ANKRD36C: variants seen among roughly 807,000 people sequenced by gnomAD.
ANKRD36C encodes the protein ankyrin repeat domain-containing protein 36C.
A neutral mutation model predicts 276.4 loss-of-function variants in ANKRD36C; 61 were observed. The ratio of observed to expected loss-of-function variants is 0.22; its 90% confidence interval spans 0.18 to 0.27. The LOEUF (loss-of-function observed/expected upper bound fraction) is 0.27, where lower values mean the gene tolerates loss of function less well. ANKRD36C is among the 10% of genes least tolerant of loss of function. ANKRD36C has a pLI of 1.00. For synonymous variants in ANKRD36C, 483 were observed against 680.1 expected, an observed-to-expected ratio of 0.71 and a Z score of 4.51; for missense variants, 1,447 against 2,032.3, an observed-to-expected ratio of 0.71 and a Z score of 5.54.
chr2:95,853,833 T>C lies in ANKRD36C; in HGVS notation c.5024A>G (p.Gln1675Arg), dbSNP rs2696782. Residue 1675 changes from glutamine to arginine, a missense_variant, in exon 64 of 67, where the codon CAA becomes CGA. By Grantham distance (43) the Gln-to-Arg change is conservative. Transcript: ENST00000456556. ...TGATCGTTTGTTTAAGACATCATCT[T>C]GTTTTTGTTGAAGCTGTCTCACAGC... The C allele has an allele frequency of 1.2e-4, 197 of 1,608,988 alleles. 2 individuals are homozygous for C. The Admixed American group carries it at 2.3e-3, about 18-fold the overall frequency.
At chr2:95,976,554 A>C (rs189809208) in intron 6 of ANKRD36C, among the ~76,000 whole-genome samples, 8 of 152,244 alleles carry the variant, frequency 5.3e-5, no homozygotes, top group Admixed American at 1.3e-4. Context: ...TTTCTCACAC[A>C]TTACCCTTAG....
chr2:95,857,816 A>G (rs567634777), intron 61 of ANKRD36C, among the ~76,000 whole-genome samples: 1 of 145,746 alleles, frequency 6.9e-6, no homozygotes, highest in African/African-American at 2.4e-5. Context: ...CTTCCTTTCT[A>G]TGCAGATCCA....
intron 58 of ANKRD36C, among the ~76,000 whole-genome samples, chr2:95,878,274 C>T (rs1287417886): frequency 2.0e-5 from 3 of 150,582 alleles, no homozygotes; most frequent in Non-Finnish European, 3.0e-5. Flanking sequence ...TTATTAATAA[C>T]ATTTTATACT....
chr2:95,882,585 T>C (rs1676110621), intron 54 of ANKRD36C, 88 bp from the exon 75 acceptor site: 2 of 1,474,070 alleles, frequency 1.4e-6, no homozygotes, highest in African/African-American at 2.8e-5. Flanking sequence ...TCAAGCTGTA[T>C]CCTCCTGCCT....
chr2:95,953,848 G>A, intron 14 of ANKRD36C, 91 bp downstream of exon 14: 2 of 1,245,252 alleles, frequency 1.6e-6, no homozygotes, highest in Non-Finnish European at 1.1e-6. Flanking sequence ...ATAAAACAAT[G>A]ATAGGTAGAC....
chr2:95,918,286 A>C (rs1677167040), intron 34 of ANKRD36C, among the ~76,000 whole-genome samples: 1 of 151,620 alleles, frequency 6.6e-6, no homozygotes, highest in Admixed American at 6.6e-5. Context: ...TCGAAAACTA[A>C]AATAAAACCG....
intron 17 of ANKRD36C, among the ~76,000 whole-genome samples, chr2:95,947,052 TA>T (rs1458220978): frequency 6.6e-6 from 1 of 151,520 alleles, no homozygotes; most frequent in South Asian, 2.1e-4. Flanking sequence ...AATAAAAAAA[TA>T]AAAAAAGAGT....
At chr2:95,966,381 C>T (rs546482741) in intron 6 of ANKRD36C, among the ~76,000 whole-genome samples, 35 of 152,250 alleles carry the variant, frequency 2.3e-4, no homozygotes, top group African/African-American at 7.2e-4. Context: ...CAGTTTCCTG[C>T]ACAAGGCTAG....
At chr2:95,942,551 A>G (rs1435191933) in intron 19 of ANKRD36C, among the ~76,000 whole-genome samples, 1 of 152,428 alleles carries the variant, frequency 6.6e-6, no homozygotes, top group Non-Finnish European at 1.5e-5. Flanking sequence ...TAAGAGAGAA[A>G]TGTAAAACCT....
In ANKRD36C at chr2:95,897,350, G is replaced by A. The variant is rs531479958; in HGVS notation, c.2755+1795C>T. The A allele has an allele frequency of 1.0e-4, 157 of 1,555,328 alleles. 4 individuals carry two copies. In the African/African-American group the frequency reaches 1.9e-3, roughly 19 times the overall value. On this transcript the variant is annotated intron_variant, in intron 44 of 66. Transcript: ENST00000456556. ...TTTCTCATCTCTTGTAGCCTGAATG[G>A]AATTTGAAATGAAATAATAAATTAA... is the stretch of plus-strand genomic sequence containing the variant.
At chr2:95,863,767 A>T (rs1330644697) in intron 60 of ANKRD36C, among the ~76,000 whole-genome samples, 1 of 152,152 alleles carries the variant, frequency 6.6e-6, no homozygotes, top group Non-Finnish European at 1.5e-5. Context: ...GGTTCCAACT[A>T]TATGATCAGG....
At chr2:95,868,889 A>G (rs1218180771) in intron 59 of ANKRD36C, among the ~76,000 whole-genome samples, 7 of 152,296 alleles carry the variant, frequency 4.6e-5, no homozygotes, top group Non-Finnish European at 1.0e-4. Flanking sequence ...TTTGTGATGA[A>G]TTTTAAAGGT....
chr2:95,948,217 G>A (rs1460569217), intron 17 of ANKRD36C, among the ~76,000 whole-genome samples: 3 of 152,038 alleles, frequency 2.0e-5, no homozygotes, highest in African/African-American at 4.8e-5. Context: ...ACTCAGATAA[G>A]CCTAGACCAA....
At chr2:95,863,007 G>A (rs1422591384) in intron 60 of ANKRD36C, among the ~76,000 whole-genome samples, 1 of 151,678 alleles carries the variant, frequency 6.6e-6, no homozygotes, top group Non-Finnish European at 1.5e-5. Context: ...ATGGTATTTT[G>A]TTATACTGTT....
At chr2:95,973,925 G>A (rs1678751834) in intron 6 of ANKRD36C, among the ~76,000 whole-genome samples, 1 of 152,004 alleles carries the variant, frequency 6.6e-6, no homozygotes, top group Admixed American at 6.6e-5. Flanking sequence ...GCATATGCTT[G>A]TAGCAGTATC....
At chr2:95,878,195 A>T (rs529470839) in intron 58 of ANKRD36C, among the ~76,000 whole-genome samples, 1 of 151,598 alleles carries the variant, frequency 6.6e-6, no homozygotes, top group Non-Finnish European at 1.5e-5. Context: ...AAAAAAAAAA[A>T]AAAAGTGTAT....
At chr2:95,955,867 T>C (rs1297405548) in intron 13 of ANKRD36C, among the ~76,000 whole-genome samples, 2 of 152,188 alleles carry the variant, frequency 1.3e-5, no homozygotes, top group African/African-American at 2.4e-5. Flanking sequence ...CTTAACATTC[T>C]GAAATTCTAA....
chr2:95,852,413 T>C (rs1384739612), intron 64 of ANKRD36C: 5 of 512,700 alleles, frequency 9.8e-6, no homozygotes, highest in Non-Finnish European at 1.7e-5. Flanking sequence ...ATATTGTTCA[T>C]GGCTACTTTT....
intron 6 of ANKRD36C, among the ~76,000 whole-genome samples, chr2:95,975,989 AAAG>A (rs1678801918): frequency 1.3e-5 from 2 of 152,220 alleles, no homozygotes; most frequent in South Asian, 4.1e-4. Flanking sequence ...ACACTTCTCA[AAAG>A]AAGACATTTA....
Sources: gnomAD v4.1 joint callset for allele counts (sites outside exome capture counted in the v4.1 genomes callset) on GRCh38, gnomAD v4.1.1 for gene constraint, MANE v1.5 for transcripts, NCBI Gene and HGNC (gene_info 2026-07-23, HGNC 2026-07-21) for gene names.